The following PARD3B variants were observed in gnomAD, a reference collection of about 807,000 sequenced individuals.
PARD3B encodes the protein par-3 family cell polarity regulator beta.
Under a neutral mutation model 130.2 loss-of-function variants are expected in PARD3B, and 103 were observed. The observed-to-expected ratio is 0.79, with a 90% CI of 0.67 to 0.93. The LOEUF (loss-of-function observed/expected upper bound fraction) is 0.93. PARD3B is among the 40% of genes least tolerant of loss of function. The pLI is 0.00. For synonymous variants in PARD3B, 583 were observed against 553.2 expected, an observed-to-expected ratio of 1.05 and a Z score of -0.76; for missense variants, 1,609 against 1,499.2, an observed-to-expected ratio of 1.07 and a Z score of -1.21.
chr2:205,578,436 A>G (rs2106563428), intron 22 of PARD3B, among the ~76,000 whole-genome samples: 1 of 152,108 alleles, frequency 6.6e-6, no homozygotes, highest in Non-Finnish European at 1.5e-5. Context: ...GTTACGACAG[A>G]CACATCTATA....
intron 18 of PARD3B, among the ~76,000 whole-genome samples, chr2:205,344,194 T>TTGTGTTTGTGTGTTTG: frequency 7.1e-6 from 1 of 141,036 alleles, no homozygotes; most frequent in South Asian, 2.5e-4. Context: ...GTCAGTTGGT[T>TTGTGTTTGTGTGTTTG]TGTGTGTGTG....
At chr2:204,589,454 T>A (rs185401100) in intron 1 of PARD3B, among the ~76,000 whole-genome samples, 6 of 152,330 alleles carry the variant, frequency 3.9e-5, no homozygotes, top group Admixed American at 3.9e-4. Context: ...GTATGGACTT[T>A]CGAGCACTGG....
intron 1 of PARD3B, among the ~76,000 whole-genome samples, chr2:204,665,070 G>C (rs551557232): frequency 6.6e-6 from 1 of 151,240 alleles, no homozygotes; most frequent in East Asian, 1.9e-4. Context: ...GAATACTGCA[G>C]TGTGGTAATC....
intron 2 of PARD3B, among the ~76,000 whole-genome samples, chr2:204,713,154 G>A (rs1234326316): frequency 1.3e-5 from 2 of 151,954 alleles, no homozygotes; most frequent in East Asian, 2.0e-4. Flanking sequence ...TCTTCAACAC[G>A]CATGTTTTGC....
At chr2:204,898,893 G>T (rs2046744318) in intron 2 of PARD3B, among the ~76,000 whole-genome samples, 1 of 151,944 alleles carries the variant, frequency 6.6e-6, no homozygotes, top group Admixed American at 6.6e-5. Context: ...TCTTTTTATG[G>T]TTTTTGTCTT....
At chr2:204,837,692 T>C (rs1026043888) in intron 2 of PARD3B, among the ~76,000 whole-genome samples, 4 of 152,186 alleles carry the variant, frequency 2.6e-5, no homozygotes, top group African/African-American at 7.2e-5. Context: ...TGTCTGATCA[T>C]GAGGAGCTCA....
intron 2 of PARD3B, among the ~76,000 whole-genome samples, chr2:204,866,897 C>T (rs1000844587): frequency 2.0e-5 from 3 of 151,718 alleles, no homozygotes; most frequent in Non-Finnish European, 2.9e-5. Flanking sequence ...GGTGAAACCC[C>T]GTCTCTACTA....
chr2:204,978,279 C>T (rs1692362948), intron 3 of PARD3B, among the ~76,000 whole-genome samples: 1 of 152,128 alleles, frequency 6.6e-6, no homozygotes, highest in Admixed American at 6.5e-5. Flanking sequence ...TAGTGTTACA[C>T]AGATCAATAA....
intron 3 of PARD3B, among the ~76,000 whole-genome samples, chr2:204,984,834 C>T (rs1408575243): frequency 6.6e-6 from 1 of 152,082 alleles, no homozygotes; most frequent in East Asian, 1.9e-4. Flanking sequence ...GAGCTTAAGT[C>T]TGGCAGAAGG....
chr2:205,529,139 A>T (rs561538503), intron 21 of PARD3B, among the ~76,000 whole-genome samples: 3 of 152,230 alleles, frequency 2.0e-5, no homozygotes, highest in Non-Finnish European at 4.4e-5. Flanking sequence ...ATAACTGTTT[A>T]TCAGAACTTC....
intron 20 of PARD3B, among the ~76,000 whole-genome samples, chr2:205,466,531 C>G (rs1249204619): frequency 1.3e-5 from 2 of 152,174 alleles, no homozygotes; most frequent in Non-Finnish European, 2.9e-5. Context: ...TTTCTTTCCT[C>G]AAGTGCTGCT....
chr2:205,282,079 T>C (rs1202338304), intron 16 of PARD3B, among the ~76,000 whole-genome samples: 1 of 152,078 alleles, frequency 6.6e-6, no homozygotes, highest in East Asian at 1.9e-4. Context: ...AATACAGCAT[T>C]AGGGAGGTTA....
intron 2 of PARD3B, among the ~76,000 whole-genome samples, chr2:204,829,281 C>T (rs1474538666): frequency 6.6e-6 from 1 of 152,206 alleles, no homozygotes; most frequent in Non-Finnish European, 1.5e-5. Context: ...CTTATTCTTA[C>T]TGTCTTATTT....
intron 20 of PARD3B, among the ~76,000 whole-genome samples, chr2:205,486,475 T>C (rs1296875681): frequency 6.6e-6 from 1 of 152,164 alleles, no homozygotes; most frequent in Non-Finnish European, 1.5e-5. Flanking sequence ...AAGAAATACC[T>C]GAGGCTGGGT....
intron 18 of PARD3B, among the ~76,000 whole-genome samples, chr2:205,396,138 G>C (rs1048067673): frequency 1.3e-5 from 2 of 152,084 alleles, no homozygotes; most frequent in Non-Finnish European, 2.9e-5. Flanking sequence ...CTCTTCACTT[G>C]TCTGGAACTT....
At chr2:205,603,011 C>T (rs1349566237) in intron 22 of PARD3B, among the ~76,000 whole-genome samples, 9 of 152,126 alleles carry the variant, frequency 5.9e-5, no homozygotes, top group Admixed American at 5.9e-4. Context: ...CTATAAATTT[C>T]CCTCTTAACA....
rs573215642 is a variant in PARD3B at position 204,840,888 on chromosome 2, T to A, written c.223-124264T>A. On this transcript the variant is annotated intron_variant, in intron 2 of 22. Transcript: ENST00000406610. Reference sequence around the variant, plus strand: ...TCTTATTCTGCCTAACTGATAAGCTTTATTGTATGTAAGTATAGGAAAAAA... The same window carrying A: ...TCTTATTCTGCCTAACTGATAAGCTATATTGTATGTAAGTATAGGAAAAAA... 2.0e-5 allele frequency among the ~76,000 whole-genome samples: 3 copies of A among 152,298 alleles called. No individual in the cohort carries two copies. In the East Asian group the frequency reaches 5.8e-4, roughly 29 times the overall value.
chr2:205,358,040 A>G (rs557905347), intron 18 of PARD3B, among the ~76,000 whole-genome samples: 32 of 152,292 alleles, frequency 2.1e-4, no homozygotes, highest in African/African-American at 6.7e-4. Context: ...CAAAGATGAG[A>G]AGGACGTAAA....
rs143741539 is a variant in PARD3B at position 205,320,606 on chromosome 2, G to A, written c.2630+18905G>A. The stretch of plus-strand genomic sequence containing the variant: ...TGTCATTAACAACTATCAATAGAGA[G>A]GATAAGATGTTCTTCTCTTTGTGAA... On this transcript the variant is annotated intron_variant, in intron 18 of 22. Transcript: ENST00000406610. Among the ~76,000 whole-genome samples the A allele has an allele frequency of 8.6e-3, 1,310 of 152,274 alleles. 9 individuals carry two copies. Among genetic ancestry groups the A allele is most frequent in the Admixed American group, 0.011 (173 of 15,292 alleles).
Sources: gnomAD v4.1 joint callset for allele counts (sites outside exome capture counted in the v4.1 genomes callset) on GRCh38, gnomAD v4.1.1 for gene constraint, MANE v1.5 for transcripts, NCBI Gene and HGNC (gene_info 2026-07-23, HGNC 2026-07-21) for gene names.